MEI4: variants seen among roughly 807,000 people sequenced by gnomAD.
MEI4 encodes the protein meiotic double-stranded break formation protein 4.
Under a neutral mutation model 31.4 loss-of-function variants are expected in MEI4, and 27 were observed. The ratio of observed to expected loss-of-function variants is 0.86; its 90% CI spans 0.63 to 1.19. The LOEUF (loss-of-function observed/expected upper bound fraction) is 1.19, where lower values mean the gene tolerates loss of function less well. Among genes scored for constraint, MEI4 ranks in the 50% most tolerant of loss-of-function variants. The probability of loss-of-function intolerance (pLI) is 0.00; values close to 1 mark genes in which losing one functional copy is unlikely to be tolerated. For missense variants in MEI4, 329 were observed against 398.9 expected, an observed-to-expected ratio of 0.82 and a Z score of 1.49; for synonymous variants, 122 against 145.4, an observed-to-expected ratio of 0.84 and a Z score of 1.16.
chr6:77,735,334 T>G (rs1208320127), intron 2 of MEI4, among the ~76,000 whole-genome samples: 4 of 151,854 alleles, frequency 2.6e-5, no homozygotes, highest in African/African-American at 9.7e-5. Flanking sequence ...TGCTCATTTC[T>G]TTTTATTCTT....
In MEI4 at chr6:77,692,847, GAA is replaced by G. The variant is rs1298698189; in HGVS notation, c.232+1945_232+1946del. ...ATATGGATTACCTAGAAGGAAGGTG[GAA>G]GTATGGTCAGAGAGGATGAGCATGC... On this transcript the variant is annotated intron_variant, in intron 2 of 4. Transcript: ENST00000684080. 3.3e-5 allele frequency among the ~76,000 whole-genome samples: 5 copies of G among 152,018 alleles called. No individual in the cohort carries two copies. The South Asian group carries it at 1.0e-3, about 31-fold the overall frequency.
intron 2 of MEI4, among the ~76,000 whole-genome samples, chr6:77,697,650 G>C (rs933476295): frequency 1.6e-4 from 24 of 152,072 alleles, no homozygotes; most frequent in Non-Finnish European, 2.9e-5. Flanking sequence ...TATAATTTCT[G>C]ATCTTTTACA....
intron 2 of MEI4, among the ~76,000 whole-genome samples, chr6:77,753,253 G>C (rs890442115): frequency 1.1e-4 from 16 of 152,016 alleles, no homozygotes; most frequent in Non-Finnish European, 2.2e-4. Context: ...TAGACAAATG[G>C]GATCTAATTA....
At position 77,772,256 on chromosome 6, in the gene MEI4, C is replaced by CA. The variant is rs58119358; in HGVS notation, c.768+10605dup. On this transcript the variant is annotated intron_variant, in intron 3 of 4. Coordinates refer to ENST00000684080, the MANE Select transcript of MEI4 (RefSeq NM_001322247.2). ...AAAGCAAAACCAGACAAAGACACAT[C>CA]AAAAAAAAAAAAAAGAAAACTACAG... Among the ~76,000 whole-genome samples, 608 of 140,378 alleles carry CA rather than the reference C, an allele frequency of 4.3e-3. 3 individuals are homozygous for CA. The highest frequency in any genetic ancestry group is 0.023 in the East Asian group (110 of 4,866). The allele number at this position is 140,378 out of a possible 152,430, so 92.1% of individuals were successfully genotyped here.
intron 4 of MEI4, among the ~76,000 whole-genome samples, chr6:77,915,233 T>C (rs1253666726): frequency 6.6e-6 from 1 of 152,070 alleles, no homozygotes; most frequent in Non-Finnish European, 1.5e-5. Context: ...TACTAGTTCA[T>C]AATAAACCTT....
intron 2 of MEI4, among the ~76,000 whole-genome samples, chr6:77,733,038 A>AT (rs1767058651): frequency 6.6e-6 from 1 of 152,022 alleles, no homozygotes; most frequent in East Asian, 1.9e-4. Flanking sequence ...CCAGTATTTT[A>AT]TTGAGGATTT....
chr6:77,896,146 A>G (rs766442662), intron 4 of MEI4, among the ~76,000 whole-genome samples: 10 of 150,496 alleles, frequency 6.6e-5, no homozygotes, highest in Non-Finnish European at 1.3e-4. Flanking sequence ...ACAGTTTTTG[A>G]ACACTAACTA....
intron 1 of MEI4, among the ~76,000 whole-genome samples, chr6:77,686,088 T>C (rs1449401460): frequency 2.0e-5 from 3 of 152,100 alleles, no homozygotes; most frequent in African/African-American, 7.2e-5. Flanking sequence ...TTTCTTATCA[T>C]GTGACACACT....
intron 3 of MEI4, among the ~76,000 whole-genome samples, chr6:77,823,527 G>A (rs1328043537): frequency 6.6e-6 from 1 of 152,088 alleles, no homozygotes; most frequent in Non-Finnish European, 1.5e-5. Flanking sequence ...CCAGATATAC[G>A]TTAATAGCTA....
intron 4 of MEI4, among the ~76,000 whole-genome samples, chr6:77,883,367 C>T (rs935567376): frequency 1.3e-5 from 2 of 151,804 alleles, no homozygotes; most frequent in Non-Finnish European, 2.9e-5. Flanking sequence ...TTATAGTCAC[C>T]CTACAGTGCT....
At chr6:77,741,641 T>G (rs1767405034) in intron 2 of MEI4, among the ~76,000 whole-genome samples, 2 of 152,130 alleles carry the variant, frequency 1.3e-5, no homozygotes, top group Non-Finnish European at 2.9e-5. Flanking sequence ...ATTTTTAATT[T>G]AAGTTTTAGG....
At chr6:77,676,808 C>T (rs1271608236) in intron 1 of MEI4, among the ~76,000 whole-genome samples, 1 of 152,144 alleles carries the variant, frequency 6.6e-6, no homozygotes, top group African/African-American at 2.4e-5. Flanking sequence ...TCTCTTTCCA[C>T]CATTTCCCCC....
chr6:77,838,397 C>A (rs1770274440), intron 4 of MEI4, among the ~76,000 whole-genome samples: 2 of 152,078 alleles, frequency 1.3e-5, no homozygotes, highest in Admixed American at 1.3e-4. Context: ...TGGCACTGAG[C>A]ATCTGAAGGG....
At chr6:77,699,563 C>G (rs1312496047) in intron 2 of MEI4, among the ~76,000 whole-genome samples, 1 of 152,184 alleles carries the variant, frequency 6.6e-6, no homozygotes, top group African/African-American at 2.4e-5. Context: ...TCGTCTGAAG[C>G]CTTCTTCTCT....
In MEI4 at chr6:77,923,097, C is replaced by G. The variant is rs749252771; in HGVS notation, c.909C>G (p.Ala303=). 23 of 1,229,806 alleles carry G rather than the reference C, an allele frequency of 1.9e-5. No homozygotes were observed. The Admixed American group carries it at 8.5e-4, about 45-fold the overall frequency. The allele number at this position is 1,229,806 out of a possible 1,614,324, so 76.2% of individuals were successfully genotyped here. ...TTGTTGTTTATTTGTAGGAGCAAGC[C>G]AGTTATGATGTGTCACGCTATGAAA... ...DDLGAINQEQ[A]SYDVSRYENI... Residue 303 remains alanine, a synonymous_variant, in exon 5 of 5, where the codon GCC becomes GCG. Coordinates refer to ENST00000684080, the MANE Select transcript of MEI4 (RefSeq NM_001322247.2).
At chr6:77,681,881 C>T (rs968040806) in intron 1 of MEI4, among the ~76,000 whole-genome samples, 2 of 151,984 alleles carry the variant, frequency 1.3e-5, no homozygotes, top group African/African-American at 4.8e-5. Context: ...CCACAGGGGC[C>T]CTTAATAATA....
intron 2 of MEI4, among the ~76,000 whole-genome samples, chr6:77,743,440 A>T (rs1275255356): frequency 6.6e-6 from 1 of 152,156 alleles, no homozygotes; most frequent in Non-Finnish European, 1.5e-5. Context: ...ATTGGTGTAT[A>T]AGAATGCTTG....
At chr6:77,665,612 G>A (rs1413403672) in intron 1 of MEI4, among the ~76,000 whole-genome samples, 1 of 152,230 alleles carries the variant, frequency 6.6e-6, no homozygotes, top group African/African-American at 2.4e-5. Context: ...TGACACCTTT[G>A]AAACGTGGGT....
chr6:77,665,730 T>C (rs1444778644), intron 1 of MEI4, among the ~76,000 whole-genome samples: 1 of 152,120 alleles, frequency 6.6e-6, no homozygotes, highest in East Asian at 1.9e-4. Flanking sequence ...GTCTCCTTTG[T>C]CTCGCCCGGA....
Sources: gnomAD v4.1 joint callset for allele counts (sites outside exome capture counted in the v4.1 genomes callset) on GRCh38, gnomAD v4.1.1 for gene constraint, MANE v1.5 for transcripts, NCBI Gene and HGNC (gene_info 2026-07-23, HGNC 2026-07-21) for gene names.